The following VWA8 variants were observed in gnomAD, a reference collection of about 807,000 sequenced individuals.
VWA8 encodes the protein von Willebrand factor A domain containing 8.
A neutral mutation model predicts 241.5 loss-of-function variants in VWA8; 221 were observed. The ratio of observed to expected loss-of-function variants is 0.91; its 90% CI spans 0.82 to 1.02. VWA8 has a LOEUF of 1.02. VWA8 is among the 50% of genes least tolerant of loss of function. VWA8 has a pLI of 0.00. For synonymous variants in VWA8, 852 were observed against 827.1 expected (o/e 1.03, Z -0.52); for missense variants, 2,322 against 2,328.7 (o/e 1.00, Z 0.06).
chr13:41,705,396 G>A (rs980484965), intron 26 of VWA8, among the ~76,000 whole-genome samples: 4 of 152,158 alleles, frequency 2.6e-5, no homozygotes, highest in African/African-American at 9.7e-5. Flanking sequence ...TAATAGGCCA[G>A]ATCTTGAAAA....
intron 5 of VWA8, among the ~76,000 whole-genome samples, chr13:41,890,093 C>T (rs1417084043): frequency 6.6e-6 from 1 of 152,220 alleles, no homozygotes; most frequent in African/African-American, 2.4e-5. Flanking sequence ...AGGAAAATGA[C>T]TGTACTTCAC....
At chr13:41,573,486 AATATAT>A (rs1555303590) in intron 43 of VWA8, among the ~76,000 whole-genome samples, 1,921 of 113,596 alleles carry the variant, frequency 0.017, 34 homozygotes, top group Non-Finnish European at 0.023. Flanking sequence ...AAAAAAAAAA[AATATAT>A]ATATATATAT....
intron 23 of VWA8, among the ~76,000 whole-genome samples, chr13:41,728,717 G>A (rs1048249488): frequency 6.6e-6 from 1 of 151,454 alleles, no homozygotes; most frequent in Non-Finnish European, 1.5e-5. Flanking sequence ...TTTTATTAGT[G>A]CTAAGCTCAT....
At chr13:41,834,260 T>C (rs12323027) in intron 12 of VWA8, among the ~76,000 whole-genome samples, 1,767 of 152,346 alleles carry the variant, frequency 0.012, 44 homozygotes, top group African/African-American at 0.04. Context: ...TGGAGCTATA[T>C]AATATGAACA....
At chr13:41,721,777 G>A (rs773741965) in intron 24 of VWA8, among the ~76,000 whole-genome samples, 2 of 152,034 alleles carry the variant, frequency 1.3e-5, no homozygotes, top group Non-Finnish European at 2.9e-5. Flanking sequence ...TTATCTCCAC[G>A]AATTTATTTT....
At chr13:41,906,552 TAA>T (rs1182470403) in intron 4 of VWA8, among the ~76,000 whole-genome samples, 5 of 152,184 alleles carry the variant, frequency 3.3e-5, no homozygotes. Flanking sequence ...TTTTAATAAC[TAA>T]AGAGTATTCT....
At chr13:41,645,748 C>G (rs917669371) in intron 37 of VWA8, among the ~76,000 whole-genome samples, 2 of 152,196 alleles carry the variant, frequency 1.3e-5, no homozygotes, top group African/African-American at 4.8e-5. Context: ...AGTTCTCTCT[C>G]TACTAGCTCC....
chr13:41,706,622 G>A (rs1414379543), intron 26 of VWA8, among the ~76,000 whole-genome samples: 1 of 152,180 alleles, frequency 6.6e-6, no homozygotes, highest in East Asian at 1.9e-4. Flanking sequence ...CAGGGGAAAG[G>A]GGAAGCATTG....
Position 41,590,747 on chromosome 13 carries a change from G to T in VWA8, c.5005C>A (p.Gln1669Lys). The change falls in exon 41 of 45, where the codon CAA (glutamine) becomes AAA (lysine). Residue 1669 changes from glutamine to lysine, a missense_variant. Coordinates refer to ENST00000379310, the MANE Select transcript of VWA8 (RefSeq NM_015058.2). Reference protein sequence around the residue: ...DNLQAKGKERQWLRHQATGEL... With the variant: ...DNLQAKGKERKWLRHQATGEL... ...CCAGTAGCTTGATGTCTTAGCCATT[G>T]TCTTTCTTTACCTTTAGCCTACAAA... is the stretch of plus-strand genomic sequence containing the variant. 6.2e-7 allele frequency: 1 copy of T among 1,613,972 alleles called. No homozygotes were observed.
In VWA8 at chr13:41,681,292, T is replaced by C. The variant is rs74050252; in HGVS notation, c.4327+3755A>G. ...ATATTCAGAGTTGAGCCCCATCTCT[T>C]TCCCTTACTACAAAACTTCTTTGCA... On this transcript the variant is annotated intron_variant, in intron 35 of 44. Coordinates refer to ENST00000379310, the MANE Select transcript of VWA8 (RefSeq NM_015058.2). 4.8e-3 allele frequency among the ~76,000 whole-genome samples: 733 copies of C among 152,278 alleles called. 3 individuals carry two copies. Among genetic ancestry groups the C allele is most frequent in the South Asian group, 0.015 (72 of 4,820 alleles).
chr13:41,875,887 T>C (rs1281044595), intron 9 of VWA8, among the ~76,000 whole-genome samples: 2 of 152,084 alleles, frequency 1.3e-5, no homozygotes, highest in African/African-American at 4.8e-5. Flanking sequence ...ACATTTTCAG[T>C]TGGCTAATAG....
chr13:41,883,317 G>A, intron 9 of VWA8, 70 bp downstream of exon 9: 1 of 1,223,590 alleles, frequency 8.2e-7, no homozygotes, highest in Non-Finnish European at 1.2e-6. Context: ...AAGGAGTGAG[G>A]GGAAGATGGG....
intron 1 of VWA8, among the ~76,000 whole-genome samples, chr13:41,957,820 G>A (rs1878417318): frequency 6.6e-6 from 1 of 152,060 alleles, no homozygotes; most frequent in South Asian, 2.1e-4. Flanking sequence ...AGAAAAAACT[G>A]TGAATCCCTT....
At chr13:41,581,507 T>C (rs2044383439) in intron 42 of VWA8, among the ~76,000 whole-genome samples, 1 of 152,220 alleles carries the variant, frequency 6.6e-6, no homozygotes, top group Admixed American at 6.5e-5. Context: ...TGAAACATCC[T>C]GCATTATCTA....
chr13:41,693,739 A>C (rs988948590), intron 29 of VWA8, among the ~76,000 whole-genome samples: 2 of 152,078 alleles, frequency 1.3e-5, no homozygotes, highest in Admixed American at 1.3e-4. Flanking sequence ...CATGAAATAA[A>C]AACTTAACAT....
At chr13:41,745,423 G>A (rs994917439) in intron 21 of VWA8, among the ~76,000 whole-genome samples, 1 of 151,858 alleles carries the variant, frequency 6.6e-6, no homozygotes, top group Non-Finnish European at 1.5e-5. Context: ...CATTGCTCAC[G>A]TACAGAATGG....
intron 43 of VWA8, among the ~76,000 whole-genome samples, chr13:41,573,486 A>ATAT (rs1555303592): frequency 5.1e-4 from 58 of 113,590 alleles, no homozygotes; most frequent in South Asian, 1.9e-3. Context: ...AAAAAAAAAA[A>ATAT]ATATATATAT....
At chr13:41,700,954 T>G (rs1322282455) in intron 28 of VWA8, among the ~76,000 whole-genome samples, 1 of 152,236 alleles carries the variant, frequency 6.6e-6, no homozygotes, top group Admixed American at 6.5e-5. Flanking sequence ...AGTCCAGAAG[T>G]GTGGATGCCA....
chr13:41,781,349 C>T (rs1868877542), intron 19 of VWA8, among the ~76,000 whole-genome samples: 1 of 152,112 alleles, frequency 6.6e-6, no homozygotes, highest in Admixed American at 6.5e-5. Context: ...TCTGCTAATG[C>T]TAGTCTCGTT....
Sources: gnomAD v4.1 joint callset for allele counts (sites outside exome capture counted in the v4.1 genomes callset) on GRCh38, gnomAD v4.1.1 for gene constraint, MANE v1.5 for transcripts, NCBI Gene and HGNC (gene_info 2026-07-23, HGNC 2026-07-21) for gene names.